Variants in UBR3 observed in about 807,000 individuals in gnomAD.
UBR3 encodes E3 ubiquitin-protein ligase UBR3.
In UBR3, 85 loss-of-function variants were observed where a neutral mutation model predicts 243.2. That is an observed-to-expected ratio of 0.35 (90% CI 0.29 to 0.42). The LOEUF is 0.42. Among genes scored for constraint, UBR3 ranks in the 10% least tolerant of loss-of-function variants. The pLI is 1.00. For synonymous variants in UBR3, 748 were observed against 799.8 expected, an observed-to-expected ratio of 0.94 and a Z score of 1.09; for missense variants, 1,686 against 2,300.8, an observed-to-expected ratio of 0.73 and a Z score of 5.47.
chr2:170,077,131 T>C (rs902463913), intron 36 of UBR3: 23 of 500,762 alleles, frequency 4.6e-5, no homozygotes, highest in African/African-American at 3.7e-4. Context: ...ATTGCAGACA[T>C]GTAAGGCTGT....
chr2:169,833,742 G>C (rs1336563502), intron 1 of UBR3, among the ~76,000 whole-genome samples: 1 of 151,686 alleles, frequency 6.6e-6, no homozygotes, highest in Non-Finnish European at 1.5e-5. Flanking sequence ...GGTTACTTAT[G>C]TGTTTAAAAG....
intron 11 of UBR3, among the ~76,000 whole-genome samples, chr2:169,917,966 G>A (rs924510028): frequency 5.3e-5 from 8 of 152,188 alleles, no homozygotes; most frequent in Admixed American, 1.3e-4. Flanking sequence ...GCCTCCCAAA[G>A]TTCTGGGATG....
chr2:169,870,764 C>G (rs982082808), intron 1 of UBR3, among the ~76,000 whole-genome samples: 1 of 152,032 alleles, frequency 6.6e-6, no homozygotes, highest in East Asian at 1.9e-4. Context: ...AGCGATTCTC[C>G]TGCCTCAGCC....
rs1574078763 is a variant in UBR3, at chr2:169,866,645, G to A, written c.546-5591G>A. On this transcript the variant is annotated intron_variant, in intron 1 of 38. Transcript: ENST00000272793. ...CCCAAAGTACTGGGATTACAGGTGT[G>A]AGCAACCGTGCCCGGACTGGAAGAA... Among the ~76,000 whole-genome samples the A allele has an allele frequency of 2.0e-5, 3 of 152,266 alleles. No homozygotes were observed. In the Middle Eastern group the frequency reaches 0.01, roughly 518 times the overall value.
At chr2:169,872,427 A>G in intron 2 of UBR3, 52 bp downstream of exon 2, 3 of 1,309,050 alleles carry the variant, frequency 2.3e-6, no homozygotes, top group Non-Finnish European at 3.1e-6. Context: ...GTAAATTTAC[A>G]AAGTTTTAGT....
chr2:169,857,064 G>GTTTTTT lies in UBR3; in HGVS notation c.546-15150_546-15145dup, dbSNP rs770674966. On this transcript the variant is annotated intron_variant, in intron 1 of 38. Coordinates refer to ENST00000272793, the MANE Select transcript of UBR3 (RefSeq NM_172070.4). ...ATGATTTCCAGCATAATTTTATTAT[G>GTTTTTT]TTTTTTTTTTTTTTTTTTTTTTTTT... Among the ~76,000 whole-genome samples, 26 of 56,092 alleles carry GTTTTTT rather than the reference G, an allele frequency of 4.6e-4. 7 individuals are homozygous for GTTTTTT. Among genetic ancestry groups the GTTTTTT allele is most frequent in the East Asian group, 3.5e-3 (4 of 1,150 alleles). 36.8% of individuals were successfully genotyped at this position (56,092 alleles called of 152,430 possible). A position where few individuals can be genotyped will look rare whatever the true frequency, so the allele number is the denominator to read the frequency against.
At chr2:169,899,378 A>G (rs1356090926) in intron 8 of UBR3, among the ~76,000 whole-genome samples, 4 of 152,212 alleles carry the variant, frequency 2.6e-5, no homozygotes, top group African/African-American at 7.2e-5. Context: ...AGATTTATCT[A>G]CATATATTGC....
At chr2:170,059,155 T>C (rs940285676) in intron 33 of UBR3, among the ~76,000 whole-genome samples, 1 of 152,204 alleles carries the variant, frequency 6.6e-6, no homozygotes, top group Admixed American at 6.5e-5. Context: ...TCTTAATACT[T>C]TGTATTGTGA....
chr2:169,979,388 T>C (rs1468950937), intron 24 of UBR3, among the ~76,000 whole-genome samples: 2 of 152,232 alleles, frequency 1.3e-5, no homozygotes, highest in African/African-American at 2.4e-5. Context: ...CCATCACTTG[T>C]GCTCTTAGAT....
At chr2:169,983,193 A>AAGGTGGAGTTGAGAGTGAGAGCAAG (rs1329130664) in intron 24 of UBR3, among the ~76,000 whole-genome samples, 44 of 151,150 alleles carry the variant, frequency 2.9e-4, no homozygotes, top group Admixed American at 3.9e-4. Flanking sequence ...GAAACTATGC[A>AAGGTGGAGTTGAGAGTGAGAGCAAG]AGATCACCTG....
intron 8 of UBR3, among the ~76,000 whole-genome samples, chr2:169,902,402 A>C (rs1044739352): frequency 6.6e-6 from 1 of 152,106 alleles, no homozygotes; most frequent in Non-Finnish European, 1.5e-5. Flanking sequence ...TGTGAACTCT[A>C]AAGTCCTGAC....
intron 24 of UBR3, among the ~76,000 whole-genome samples, chr2:169,966,457 A>T (rs545200928): frequency 1.3e-5 from 2 of 152,338 alleles, no homozygotes; most frequent in South Asian, 4.1e-4. Context: ...AATAACATGT[A>T]CACTACTGAT....
chr2:169,937,596 G>T (rs1006131475), intron 19 of UBR3, among the ~76,000 whole-genome samples: 11 of 152,186 alleles, frequency 7.2e-5, no homozygotes, highest in African/African-American at 2.7e-4. Flanking sequence ...CCTGTGTCCG[G>T]AATGGTATTG....
At chr2:169,845,489 C>CCCT (rs2082433898) in intron 1 of UBR3, among the ~76,000 whole-genome samples, 1 of 84,610 alleles carries the variant, frequency 1.2e-5, no homozygotes, top group South Asian at 3.5e-4. Context: ...ATTCCTTTCC[C>CCCT]TCTTCGTCGT....
intron 25 of UBR3, among the ~76,000 whole-genome samples, chr2:169,989,629 A>AT (rs989916519): frequency 1.3e-5 from 2 of 152,106 alleles, no homozygotes; most frequent in Non-Finnish European, 2.9e-5. Context: ...TTCATCACCT[A>AT]TTTTTTGTTG....
chr2:169,890,549 A>ATATATATG lies in UBR3; in HGVS notation c.1039-609_1039-608insGTATATAT, dbSNP rs1553504460. ...AGGAGAGAGAGAGAGAGATATATAT[A>ATATATATG]TATATATATATATATGTGTATATAT... On this transcript the variant is annotated intron_variant, in intron 5 of 38. Transcript: ENST00000272793. 1.6e-3 allele frequency among the ~76,000 whole-genome samples: 95 copies of ATATATATG among 59,248 alleles called. 2 individuals carry two copies. Among genetic ancestry groups the ATATATATG allele is most frequent in the Admixed American group, 2.9e-3 (13 of 4,460 alleles). 38.9% of individuals were successfully genotyped at this position (59,248 alleles called of 152,430 possible).
chr2:170,069,059 G>C (rs1168097639), intron 35 of UBR3, among the ~76,000 whole-genome samples: 1 of 152,014 alleles, frequency 6.6e-6, no homozygotes, highest in Non-Finnish European at 1.5e-5. Context: ...ATTTAAGAAA[G>C]AAATTGTACC....
Position 170,007,015 on chromosome 2 carries a change from C to T in UBR3, c.4055C>T (p.Ser1352Leu), listed in dbSNP as rs372255533. 1.9e-5 allele frequency: 30 copies of T among 1,613,318 alleles called. No individual in the cohort carries two copies. The highest frequency in any genetic ancestry group is 2.5e-5 in the Non-Finnish European group (29 of 1,179,934). ...LRNDQVLQGF[S>L]VDKGEFTCPL... ...AATGACCAGGTTCTTCAGGGCTTCT[C>T]GGTGGACAAAGGAGAATTCACGTGT... The change falls in exon 28 of 39, where the codon TCG becomes TTG. Residue 1352 changes from serine (S) to leucine (L), a missense_variant. Physicochemically the swap from Ser to Leu is moderately radical, Grantham distance 145 (BLOSUM62 -2). This residue lies in a region of UBR3 where 156 missense variants were observed against 246.3 expected (regional missense o/e 0.63). Coordinates refer to ENST00000272793, the MANE Select transcript of UBR3 (RefSeq NM_172070.4).
intron 35 of UBR3, among the ~76,000 whole-genome samples, chr2:170,065,396 T>A (rs2091540640): frequency 6.6e-6 from 1 of 151,774 alleles, no homozygotes. Context: ...AAGCAATTCT[T>A]GTGCCTCAGC....
Sources: gnomAD v4.1 joint callset for allele counts (sites outside exome capture counted in the v4.1 genomes callset) on GRCh38, gnomAD v4.1.1 for gene constraint, gnomAD v4.1.1 regional missense constraint, MANE v1.5 for transcripts, NCBI Gene and HGNC (gene_info 2026-07-23, HGNC 2026-07-21) for gene names.